Variants in NEDD4 observed in about 807,000 individuals in gnomAD.
NEDD4 encodes the protein E3 ubiquitin-protein ligase NEDD4.
Under a neutral mutation model 144.9 loss-of-function variants are expected in NEDD4, and 99 were observed. The ratio of observed to expected loss-of-function variants is 0.68; its 90% CI spans 0.58 to 0.81. The LOEUF (loss-of-function observed/expected upper bound fraction) is 0.81. NEDD4 is among the 30% of genes least tolerant of loss of function. NEDD4 has a pLI of 0.00. For synonymous variants in NEDD4, 318 were observed against 350.6 expected, an observed-to-expected ratio of 0.91 and a Z score of 1.04; for missense variants, 985 against 1,065.9, an observed-to-expected ratio of 0.92 and a Z score of 1.06.
intron 4 of NEDD4, among the ~76,000 whole-genome samples, chr15:55,950,791 T>C (rs1425929821): frequency 6.6e-6 from 1 of 152,128 alleles, no homozygotes; most frequent in Non-Finnish European, 1.5e-5. Context: ...ATGATACAAG[T>C]GGGAATAATC....
intron 8 of NEDD4, among the ~76,000 whole-genome samples, chr15:55,868,866 C>G (rs1180160498): frequency 6.6e-6 from 1 of 152,142 alleles, no homozygotes; most frequent in East Asian, 1.9e-4. Context: ...TCGAGGTCAT[C>G]TGATGCCATC....
Position 55,833,079 on chromosome 15 carries a change from T to G in NEDD4, c.2456A>C (p.Lys819Thr), listed in dbSNP as rs764544014. Reference sequence around the variant, plus strand: ...GACAAACTGAAGTAATCTTATTCTTTTTTCTGAATCCATCATTAAAACAGC... The same window carrying G: ...GACAAACTGAAGTAATCTTATTCTTGTTTCTGAATCCATCATTAAAACAGC... ...WKAVLMMDSE[K>T]RIRLLQFVTG... The change falls in exon 27 of 29, where the codon AAA becomes ACA. Residue 819 changes from lysine to threonine, a missense_variant. Coordinates refer to ENST00000435532, the MANE Select transcript of NEDD4 (RefSeq NM_006154.4). The G allele has an allele frequency of 3.1e-6, 5 of 1,613,034 alleles. No homozygotes were observed. In the African/African-American group the frequency reaches 6.7e-5, roughly 22 times the overall value.
chr15:55,884,815 C>A (rs116090701), intron 5 of NEDD4, among the ~76,000 whole-genome samples: 4 of 151,868 alleles, frequency 2.6e-5, no homozygotes, highest in Non-Finnish European at 1.5e-5. Context: ...TAGAAAATAG[C>A]CTCAAATGGG....
At chr15:55,845,503 C>T (rs1381438287) in intron 18 of NEDD4, among the ~76,000 whole-genome samples, 2 of 151,758 alleles carry the variant, frequency 1.3e-5, no homozygotes, top group South Asian at 2.1e-4. Context: ...GAGAGATCAA[C>T]AAATATAATT....
At chr15:55,900,653 C>T (rs2035885161) in intron 5 of NEDD4, among the ~76,000 whole-genome samples, 2 of 151,810 alleles carry the variant, frequency 1.3e-5, no homozygotes, top group East Asian at 1.9e-4. Context: ...TTATAAAAGC[C>T]CTATCAGACC....
chr15:55,981,020 G>A (rs1333879494), intron 1 of NEDD4, among the ~76,000 whole-genome samples: 1 of 151,708 alleles, frequency 6.6e-6, no homozygotes, highest in Non-Finnish European at 1.5e-5. Context: ...AAAATTGCTA[G>A]GGAGGGATGC....
chr15:55,838,398 TG>T, intron 22 of NEDD4, 110 bp downstream of exon 22: 1 of 805,102 alleles, frequency 1.2e-6, no homozygotes. Context: ...CTTTTGTTAC[TG>T]GGAAATGAAT....
intron 5 of NEDD4, among the ~76,000 whole-genome samples, chr15:55,878,356 T>A (rs1336612345): frequency 6.6e-6 from 1 of 152,118 alleles, no homozygotes; most frequent in Non-Finnish European, 1.5e-5. Flanking sequence ...AAAATGGGCA[T>A]AAGACTTGAA....
intron 4 of NEDD4, among the ~76,000 whole-genome samples, chr15:55,936,773 A>G (rs748067066): frequency 7.3e-5 from 11 of 150,984 alleles, no homozygotes; most frequent in Non-Finnish European, 1.5e-4. Flanking sequence ...GTAGATTTTA[A>G]TTATAATTTG....
intron 2 of NEDD4, among the ~76,000 whole-genome samples, chr15:55,953,502 C>T (rs1297477935): frequency 1.3e-5 from 2 of 149,674 alleles, no homozygotes; most frequent in East Asian, 2.0e-4. Context: ...AGTGCAGTGG[C>T]GCGATCTTGG....
chr15:55,845,931 G>T (rs1050814355), intron 18 of NEDD4, among the ~76,000 whole-genome samples: 1 of 151,724 alleles, frequency 6.6e-6, no homozygotes, highest in East Asian at 1.9e-4. Flanking sequence ...GATTAAAGGT[G>T]TGCGCCATCA....
At chr15:55,874,940 C>T (rs2034938384) in intron 5 of NEDD4, among the ~76,000 whole-genome samples, 1 of 151,610 alleles carries the variant, frequency 6.6e-6, no homozygotes, top group Non-Finnish European at 1.5e-5. Flanking sequence ...TGCCACTGCA[C>T]TCCAGCTTGG....
At chr15:55,905,995 A>G (rs2036078473) in intron 5 of NEDD4, among the ~76,000 whole-genome samples, 1 of 152,220 alleles carries the variant, frequency 6.6e-6, no homozygotes, top group South Asian at 2.1e-4. Context: ...ACTTCTCAAA[A>G]GAAGACATTT....
chr15:55,949,824 A>G (rs1486875541), intron 4 of NEDD4, among the ~76,000 whole-genome samples: 3 of 152,140 alleles, frequency 2.0e-5, no homozygotes, highest in Non-Finnish European at 4.4e-5. Context: ...GTGGGGAGGG[A>G]TAGTATTAGG....
At chr15:55,870,268 G>A (rs2414448) in intron 7 of NEDD4, among the ~76,000 whole-genome samples, 109,439 of 151,948 alleles carry the variant, frequency 0.72, 39,941 homozygotes, top group Non-Finnish European at 0.8. Context: ...CTTTAGGGAT[G>A]CTAATCTGGC....
At chr15:55,983,285 GGT>G (rs756080748) in intron 1 of NEDD4, among the ~76,000 whole-genome samples, 11 of 148,146 alleles carry the variant, frequency 7.4e-5, no homozygotes, top group Non-Finnish European at 1.3e-4. Context: ...TGACGACAAT[GGT>G]GTGTGTGTGT....
At chr15:55,872,072 G>A (rs923676828) in intron 7 of NEDD4, among the ~76,000 whole-genome samples, 2 of 151,982 alleles carry the variant, frequency 1.3e-5, no homozygotes, top group Non-Finnish European at 2.9e-5. Context: ...TGTGCACGTC[G>A]AGTTAGGTAA....
intron 2 of NEDD4, among the ~76,000 whole-genome samples, chr15:55,961,761 G>A (rs1232858314): frequency 1.3e-5 from 2 of 152,004 alleles, no homozygotes; most frequent in Non-Finnish European, 2.9e-5. Flanking sequence ...GAGCCACCGC[G>A]CCTGGCCAGT....
At chr15:55,887,052 AC>A (rs1484800706) in intron 5 of NEDD4, among the ~76,000 whole-genome samples, 1 of 151,900 alleles carries the variant, frequency 6.6e-6, no homozygotes, top group Non-Finnish European at 1.5e-5. Context: ...GAAAAAAAAA[AC>A]TTCAAATAAA....
Sources: gnomAD v4.1 joint callset for allele counts (sites outside exome capture counted in the v4.1 genomes callset) on GRCh38, gnomAD v4.1.1 for gene constraint, MANE v1.5 for transcripts, NCBI Gene and HGNC (gene_info 2026-07-23, HGNC 2026-07-21) for gene names.